Variants in TAS2R1 observed in about 807,000 individuals in gnomAD.
TAS2R1 encodes taste receptor type 2 member 1.
For missense variants in TAS2R1, 370 were observed against 353.4 expected (o/e 1.05, Z -0.38); for synonymous variants, 141 against 134.2 (o/e 1.05, Z -0.35).
At chr5:9,707,831 G>C (rs1434864884) in intron 1 of TAS2R1, among the ~76,000 whole-genome samples, 1 of 152,130 alleles carries the variant, frequency 6.6e-6, no homozygotes, top group African/African-American at 2.4e-5. Flanking sequence ...TAACTACTGT[G>C]CAGGAGCTGC....
chr5:9,745,775 G>A, the TAS2R1 span, among the ~76,000 whole-genome samples: 4 of 152,180 alleles, frequency 2.6e-5, no homozygotes, highest in African/African-American at 9.7e-5. Context: ...ATTCAAGGTA[G>A]ATTTAAGACT....
the TAS2R1 span, among the ~76,000 whole-genome samples, chr5:9,797,475 C>CT: frequency 6.6e-4 from 100 of 152,220 alleles, no homozygotes; most frequent in African/African-American, 2.3e-3. Flanking sequence ...AGAAAAAAAG[C>CT]TTGTTTTAGC....
the TAS2R1 span, among the ~76,000 whole-genome samples, chr5:9,790,252 A>G: frequency 1.3e-5 from 2 of 152,210 alleles, no homozygotes; most frequent in Non-Finnish European, 2.9e-5. Flanking sequence ...TATTTGCTCC[A>G]CTGATAACAC....
the TAS2R1 span, among the ~76,000 whole-genome samples, chr5:9,830,674 C>A: frequency 6.6e-6 from 1 of 152,120 alleles, no homozygotes. Flanking sequence ...TATAAAGCTT[C>A]TGAGTTTCTG....
the TAS2R1 span, among the ~76,000 whole-genome samples, chr5:9,772,913 C>G: frequency 6.6e-6 from 1 of 152,020 alleles, no homozygotes; most frequent in Non-Finnish European, 1.5e-5. Context: ...TCCTTGTAGA[C>G]AGTAGGGCAT....
intron 2 of TAS2R1, among the ~76,000 whole-genome samples, chr5:9,654,688 C>T (rs1304908726): frequency 6.6e-6 from 1 of 152,092 alleles, no homozygotes; most frequent in Admixed American, 6.5e-5. Flanking sequence ...GGTTAAGCCA[C>T]TAGAGAAAGA....
chr5:9,755,545 C>T, the TAS2R1 span, among the ~76,000 whole-genome samples: 2 of 149,038 alleles, frequency 1.3e-5, no homozygotes, highest in Admixed American at 1.4e-4. Flanking sequence ...CAAGATCGTG[C>T]CATGGCATTC....
intron 1 of TAS2R1, among the ~76,000 whole-genome samples, chr5:9,685,186 T>C (rs1366536198): frequency 6.6e-6 from 1 of 152,148 alleles, no homozygotes. Flanking sequence ...GAATAGAAAA[T>C]AACCAGATAG....
chr5:9,765,470 C>T, the TAS2R1 span: 3 of 150,486 alleles, frequency 2.0e-5, no homozygotes, highest in African/African-American at 7.4e-5. Flanking sequence ...TGTATACATA[C>T]ATTGGAAGTA....
At chr5:9,647,823 T>G (rs1328032430) in intron 2 of TAS2R1, among the ~76,000 whole-genome samples, 1 of 152,170 alleles carries the variant, frequency 6.6e-6, no homozygotes, top group Non-Finnish European at 1.5e-5. Context: ...TAATATGAAT[T>G]TATTATCTAT....
intron 1 of TAS2R1, among the ~76,000 whole-genome samples, chr5:9,671,205 G>C (rs1429362990): frequency 6.6e-6 from 1 of 152,118 alleles, no homozygotes; most frequent in Non-Finnish European, 1.5e-5. Flanking sequence ...GGCAAAAGCT[G>C]GGAGCATTCC....
At chr5:9,781,170 T>A in the TAS2R1 span, among the ~76,000 whole-genome samples, 2 of 152,372 alleles carry the variant, frequency 1.3e-5, no homozygotes, top group South Asian at 4.1e-4. Flanking sequence ...TCCACTTGCT[T>A]ACTCAATATC....
intron 1 of TAS2R1, among the ~76,000 whole-genome samples, chr5:9,684,328 A>G (rs990003245): frequency 2.0e-5 from 3 of 152,226 alleles, no homozygotes; most frequent in Non-Finnish European, 2.9e-5. Context: ...GTTCTTGCTC[A>G]TATGTGGGAG....
At chr5:9,727,408 C>G in the TAS2R1 span, among the ~76,000 whole-genome samples, 2 of 152,196 alleles carry the variant, frequency 1.3e-5, no homozygotes, top group Non-Finnish European at 2.9e-5. Flanking sequence ...GACATTTTAT[C>G]CTTCTCTATT....
the TAS2R1 span, among the ~76,000 whole-genome samples, chr5:9,847,827 G>A: frequency 2.0e-5 from 3 of 152,226 alleles, no homozygotes; most frequent in African/African-American, 7.2e-5. Context: ...GGGCCTGGGT[G>A]CACCAGTAGT....
chr5:9,903,065 C>T, the TAS2R1 span, among the ~76,000 whole-genome samples: 1 of 152,038 alleles, frequency 6.6e-6, no homozygotes, highest in Non-Finnish European at 1.5e-5. Flanking sequence ...TCCGTCCCCT[C>T]AAGCATTTAT....
chr5:9,661,217 C>G (rs1050610999), intron 1 of TAS2R1, among the ~76,000 whole-genome samples: 7 of 152,222 alleles, frequency 4.6e-5, no homozygotes, highest in African/African-American at 1.7e-4. Context: ...AAATCCTGTT[C>G]TTTCTAGCCA....
chr5:9,679,333 C>A (rs114085037), intron 1 of TAS2R1, among the ~76,000 whole-genome samples: 2 of 152,144 alleles, frequency 1.3e-5, no homozygotes, highest in Non-Finnish European at 1.5e-5. Context: ...GCGCAAAGAA[C>A]GAACCTTAGT....
chr5:9,634,933 T>G (rs1429852695), upstream of TAS2R1, among the ~76,000 whole-genome samples: 2 of 152,110 alleles, frequency 1.3e-5, no homozygotes, highest in African/African-American at 2.4e-5. Context: ...TGGATGCCCT[T>G]TATTTCTTTC....
Sources: allele counts gnomAD v4.1 joint callset (sites outside exome capture counted in the v4.1 genomes callset), GRCh38; gene constraint gnomAD v4.1.1; transcripts MANE v1.5; gene names NCBI Gene and HGNC (gene_info 2026-07-23, HGNC 2026-07-21).